The following CACNA1E variants were observed in gnomAD, a reference collection of about 807,000 sequenced individuals.
CACNA1E encodes calcium voltage-gated channel subunit alpha1 E.
In CACNA1E, 40 loss-of-function variants were observed where a neutral mutation model predicts 259.2. The ratio of observed to expected loss-of-function variants is 0.15; its 90% confidence interval spans 0.12 to 0.20. CACNA1E has a LOEUF of 0.20. CACNA1E is among the 10% of genes least tolerant of loss of function. The pLI is 1.00. For synonymous variants in CACNA1E, 1,104 were observed against 1,138.5 expected, an observed-to-expected ratio of 0.97 and a Z score of 0.61; for missense variants, 1,874 against 3,040.1, an observed-to-expected ratio of 0.62 and a Z score of 9.02.
intron 2 of CACNA1E, among the ~76,000 whole-genome samples, chr1:181,476,135 G>A (rs1490384352): frequency 1.3e-5 from 2 of 152,044 alleles, no homozygotes; most frequent in Non-Finnish European, 2.9e-5. Context: ...TCAAGTAGGA[G>A]GGTAAAAAAA....
intron 1 of CACNA1E, among the ~76,000 whole-genome samples, chr1:181,382,396 C>T (rs557860704): frequency 2.6e-5 from 4 of 152,218 alleles, no homozygotes; most frequent in East Asian, 1.9e-4. Flanking sequence ...TGGCTGCAAG[C>T]GAACAAGTGC....
At chr1:181,638,151 C>T (rs1397021893) in intron 6 of CACNA1E, among the ~76,000 whole-genome samples, 1 of 152,180 alleles carries the variant, frequency 6.6e-6, no homozygotes, top group African/African-American at 2.4e-5. Flanking sequence ...CTGGGAATCA[C>T]TTGCCCCACT....
At chr1:181,757,463 T>C (rs1658185311) in intron 30 of CACNA1E, among the ~76,000 whole-genome samples, 1 of 152,228 alleles carries the variant, frequency 6.6e-6, no homozygotes, top group Non-Finnish European at 1.5e-5. Context: ...AGGGAATGTG[T>C]CTTATCGCAG....
rs759022963 is a variant in CACNA1E at position 181,544,043 on chromosome 1, A to G, written c.512+32533A>G. On this transcript the variant is annotated intron_variant, in intron 3 of 47. Transcript: ENST00000367573. ...AATGTCCATAGCAGCATCATTCACA[A>G]TAGACAAAAAGTATCCCAAGTGTAC... 2.5e-4 allele frequency among the ~76,000 whole-genome samples: 38 copies of G among 152,240 alleles called. 1 individual carries two copies. Among genetic ancestry groups the G allele is most frequent in the Admixed American group, 3.3e-4 (5 of 15,288 alleles).
At chr1:181,484,096 C>G (rs1304625421) in intron 1 of CACNA1E, 86 bp downstream of exon 1, 2 of 1,352,542 alleles carry the variant, frequency 1.5e-6, no homozygotes, top group Admixed American at 3.6e-5. Context: ...ATGTATCCCC[C>G]ACCCCTTCCT....
intron 3 of CACNA1E, among the ~76,000 whole-genome samples, chr1:181,513,587 G>A (rs963946389): frequency 1.3e-5 from 2 of 152,184 alleles, no homozygotes; most frequent in Non-Finnish European, 2.9e-5. Context: ...GGCTGTTCTG[G>A]TGTGGGGTCT....
chr1:181,754,156 A>G (rs1199124798), intron 27 of CACNA1E, among the ~76,000 whole-genome samples: 1 of 152,222 alleles, frequency 6.6e-6, no homozygotes, highest in Non-Finnish European at 1.5e-5. Flanking sequence ...GTGGGCCTCA[A>G]GGAGAGTGCA....
intron 7 of CACNA1E, among the ~76,000 whole-genome samples, chr1:181,668,335 A>C (rs1648455105): frequency 6.6e-6 from 1 of 151,988 alleles, no homozygotes; most frequent in Non-Finnish European, 1.5e-5. Context: ...ATTCCTTTTT[A>C]TTTCTGAATA....
At chr1:181,755,514 C>A in intron 28 of CACNA1E, 117 bp downstream of exon 28, 1 of 808,320 alleles carries the variant, frequency 1.2e-6, no homozygotes, top group Non-Finnish European at 2.0e-6. Context: ...GCTCTTCTTT[C>A]AGCAAAAAGA....
intron 3 of CACNA1E, among the ~76,000 whole-genome samples, chr1:181,527,162 T>G (rs1667423771): frequency 6.6e-6 from 1 of 152,240 alleles, no homozygotes; most frequent in Non-Finnish European, 1.5e-5. Context: ...ACAACAGAAA[T>G]TTATTTCTCA....
chr1:181,691,204 G>T (rs1018048909), intron 7 of CACNA1E, among the ~76,000 whole-genome samples: 3 of 151,176 alleles, frequency 2.0e-5, no homozygotes, highest in African/African-American at 7.3e-5. Flanking sequence ...ATATATATGT[G>T]TATATATATA....
chr1:181,572,238 T>C (rs1650488524), intron 3 of CACNA1E, among the ~76,000 whole-genome samples: 1 of 152,178 alleles, frequency 6.6e-6, no homozygotes, highest in Non-Finnish European at 1.5e-5. Context: ...GAGAATTCTT[T>C]GGGCGACTAA....
intron 7 of CACNA1E, among the ~76,000 whole-genome samples, chr1:181,667,583 A>G (rs1453472737): frequency 6.6e-6 from 1 of 152,190 alleles, no homozygotes; most frequent in African/African-American, 2.4e-5. Flanking sequence ...AGAAAATGGT[A>G]CAAATACATA....
chr1:181,330,679 C>T (rs1048530558), intron 1 of CACNA1E, among the ~76,000 whole-genome samples: 8 of 152,272 alleles, frequency 5.3e-5, no homozygotes, highest in East Asian at 1.9e-4. Flanking sequence ...GTGAGTCCAA[C>T]GTAGTGTCAG....
At position 181,776,243 on chromosome 1, in the gene CACNA1E, C is replaced by T. The variant is rs773362783; in HGVS notation, c.5267+15C>T. The T allele has an allele frequency of 1.4e-5, 22 of 1,613,698 alleles. No individual in the cohort carries two copies. Among genetic ancestry groups the T allele is most frequent in the South Asian group, 6.6e-5 (6 of 91,058 alleles). ...CGAGCAGCATGGTGCGTAGGCCCCT[C>T]GGCCGCCCCAGCGGGGCCCAGAGCA... is the stretch of plus-strand genomic sequence containing the variant. On this transcript the variant is annotated intron_variant, in intron 38 of 47. Transcript: ENST00000367573. The surrounding 1 kb of genome is among the most constrained non-coding windows in gnomAD (Gnocchi z 4.4).
intron 2 of CACNA1E, among the ~76,000 whole-genome samples, chr1:181,440,803 G>A (rs1366682629): frequency 6.6e-6 from 1 of 151,694 alleles, no homozygotes. Context: ...GCAACCTTGT[G>A]AGAGCCCTGT....
At chr1:181,610,022 C>T (rs149126273) in intron 6 of CACNA1E, among the ~76,000 whole-genome samples, 6 of 152,286 alleles carry the variant, frequency 3.9e-5, no homozygotes, top group South Asian at 2.1e-4. Flanking sequence ...TTTGTGGCCC[C>T]TGGACACCAA....
At chr1:181,415,039 G>A (rs745327727) in intron 2 of CACNA1E, among the ~76,000 whole-genome samples, 15 of 152,210 alleles carry the variant, frequency 9.9e-5, no homozygotes, top group Admixed American at 2.0e-4. Flanking sequence ...ACAAGTAGGA[G>A]GGAGTAGACT....
chr1:181,658,055 T>C (rs1268282599), intron 7 of CACNA1E, among the ~76,000 whole-genome samples: 1 of 152,248 alleles, frequency 6.6e-6, no homozygotes, highest in Non-Finnish European at 1.5e-5. Flanking sequence ...TCTGATATTC[T>C]TTGTCCTAAG....
Sources: gnomAD v4.1 joint callset for allele counts (sites outside exome capture counted in the v4.1 genomes callset) on GRCh38, gnomAD v4.1.1 for gene constraint, Gnocchi (gnomAD v3.1) non-coding constraint, MANE v1.5 for transcripts, NCBI Gene and HGNC (gene_info 2026-07-23, HGNC 2026-07-21) for gene names.